RBFOX1: variants seen among roughly 807,000 people sequenced by gnomAD.
RBFOX1 encodes RNA binding fox-1 homolog 1, also known as RNA binding protein fox-1 homolog 1.
RBFOX1 carries 8 observed loss-of-function variants against 57.7 expected under a neutral mutation model. The ratio of observed to expected loss-of-function variants is 0.14; its 90% CI spans 0.08 to 0.25. The LOEUF is 0.25. Ranked by LOEUF, RBFOX1 falls within the 10% of genes least tolerant of loss-of-function variation. The probability of loss-of-function intolerance (pLI) is 1.00; values close to 1 mark genes in which losing one functional copy is unlikely to be tolerated. For synonymous variants in RBFOX1, 326 were observed against 222.4 expected, an observed-to-expected ratio of 1.47 and a Z score of -4.15; for missense variants, 611 against 548.5, an observed-to-expected ratio of 1.11 and a Z score of -1.14.
chr16:5,581,520 A>C (rs542786568), intron 2 of RBFOX1, among the ~76,000 whole-genome samples: 1 of 152,346 alleles, frequency 6.6e-6, no homozygotes, highest in African/African-American at 2.4e-5. Flanking sequence ...ACTAATTACA[A>C]GCTTTAGGAA....
intron 1 of RBFOX1, among the ~76,000 whole-genome samples, chr16:6,218,952 A>G (rs2097354049): frequency 6.6e-6 from 1 of 152,098 alleles, no homozygotes; most frequent in Non-Finnish European, 1.5e-5. Flanking sequence ...GTGGTTTTCA[A>G]CATAAAAGCA....
chr16:7,438,639 A>G (rs1377431803), intron 4 of RBFOX1, among the ~76,000 whole-genome samples: 1 of 152,204 alleles, frequency 6.6e-6, no homozygotes, highest in Non-Finnish European at 1.5e-5. Flanking sequence ...AGGCTAATGC[A>G]TTCTCTTACT....
intron 4 of RBFOX1, among the ~76,000 whole-genome samples, chr16:7,230,399 C>T (rs143843742): frequency 1.3e-5 from 2 of 152,232 alleles, no homozygotes; most frequent in Non-Finnish European, 2.9e-5. Flanking sequence ...ATATCAGCTT[C>T]CATAGTTAAC....
At chr16:6,895,438 G>GTATATA (rs1216168661) in intron 3 of RBFOX1, among the ~76,000 whole-genome samples, 2 of 88,096 alleles carry the variant, frequency 2.3e-5, no homozygotes, top group African/African-American at 8.0e-5. Context: ...GTGTGTGTGT[G>GTATATA]TGTGTGTGTG....
At chr16:7,692,671 T>C (rs1310394212) in intron 14 of RBFOX1, among the ~76,000 whole-genome samples, 1 of 152,172 alleles carries the variant, frequency 6.6e-6, no homozygotes, top group Non-Finnish European at 1.5e-5. Flanking sequence ...GTTGGAAACG[T>C]CTTAAGAGAG....
At chr16:7,434,081 A>G (rs1422449956) in intron 4 of RBFOX1, among the ~76,000 whole-genome samples, 1 of 152,196 alleles carries the variant, frequency 6.6e-6, no homozygotes, top group African/African-American at 2.4e-5. Flanking sequence ...AAGCAGGTAA[A>G]AAGGAAGAAA....
chr16:5,439,040 G>C (rs542704004), intron 1 of RBFOX1, among the ~76,000 whole-genome samples: 3,460 of 148,964 alleles, frequency 0.023, 83 homozygotes, highest in Middle Eastern at 0.1. Context: ...AATGGGGGGG[G>C]GGGCATAGTG....
intron 1 of RBFOX1, among the ~76,000 whole-genome samples, chr16:6,284,843 A>G (rs1202037527): frequency 1.3e-5 from 2 of 152,212 alleles, no homozygotes; most frequent in African/African-American, 2.4e-5. Flanking sequence ...ATACGAGTGC[A>G]TGGAGAACAC....
chr16:6,100,544 A>T (rs776258529), intron 1 of RBFOX1, among the ~76,000 whole-genome samples: 3 of 152,138 alleles, frequency 2.0e-5, no homozygotes, highest in Non-Finnish European at 4.4e-5. Context: ...CACTTAATAG[A>T]CTTTGATTGA....
chr16:5,689,216 G>T (rs2050594972), intron 3 of RBFOX1, among the ~76,000 whole-genome samples: 1 of 152,218 alleles, frequency 6.6e-6, no homozygotes, highest in African/African-American at 2.4e-5. Flanking sequence ...ACTCATTAAG[G>T]ATTGCTTATC....
intron 3 of RBFOX1, among the ~76,000 whole-genome samples, chr16:6,765,995 G>C (rs1474707746): frequency 6.6e-6 from 1 of 152,038 alleles, no homozygotes; most frequent in East Asian, 1.9e-4. Flanking sequence ...GTAGAAGGGG[G>C]ATGAGGAGCA....
chr16:5,725,810 C>G lies in RBFOX1; in HGVS notation c.318+126849C>G, dbSNP rs536198410. Among the ~76,000 whole-genome samples, 21 of 152,010 alleles carry G rather than the reference C, an allele frequency of 1.4e-4. No individual in the cohort carries two copies. In the South Asian group the frequency reaches 4.2e-3, roughly 30 times the overall value. ...TGCCCTCTCCCCACTCAGGGCTGTT[C>G]TAGGATGCCAGCTCTCCGAGTTCTC... is the stretch of plus-strand genomic sequence containing the variant. On this transcript the variant is annotated intron_variant, in intron 3 of 19. Transcript: ENST00000641259.
intron 4 of RBFOX1, among the ~76,000 whole-genome samples, chr16:5,994,655 T>C (rs955482207): frequency 1.3e-5 from 2 of 152,302 alleles, no homozygotes; most frequent in African/African-American, 4.8e-5. Flanking sequence ...GGGAAAACAG[T>C]CACAGATAAT....
At chr16:6,539,420 T>C (rs745912400) in intron 2 of RBFOX1, among the ~76,000 whole-genome samples, 1 of 152,184 alleles carries the variant, frequency 6.6e-6, no homozygotes, top group African/African-American at 2.4e-5. Context: ...CTGGCTGTTA[T>C]TGTATTATTA....
chr16:7,673,353 T>TTTGG (rs1448407808), intron 13 of RBFOX1, among the ~76,000 whole-genome samples: 2 of 152,102 alleles, frequency 1.3e-5, no homozygotes, highest in African/African-American at 4.8e-5. Flanking sequence ...GCCAAACCAG[T>TTTGG]TTGGTTGTGG....
At chr16:6,806,836 A>ATATATATATTTT (rs754342591) in intron 3 of RBFOX1, among the ~76,000 whole-genome samples, 2 of 91,878 alleles carry the variant, frequency 2.2e-5, no homozygotes, top group African/African-American at 8.1e-5. Flanking sequence ...ATATATATAT[A>ATATATATATTTT]TTTTTTTTTT....
At chr16:5,431,974 C>T (rs2151514519) in intron 1 of RBFOX1, among the ~76,000 whole-genome samples, 1 of 152,208 alleles carries the variant, frequency 6.6e-6, no homozygotes, top group East Asian at 1.9e-4. Context: ...AGGGGGGTGT[C>T]TGCAGATCAA....
At chr16:6,730,063 A>G (rs954498844) in intron 3 of RBFOX1, among the ~76,000 whole-genome samples, 3 of 152,142 alleles carry the variant, frequency 2.0e-5, no homozygotes, top group African/African-American at 4.8e-5. Flanking sequence ...GATGTTCTTT[A>G]TATATTCCCA....
At chr16:7,130,479 C>T (rs1266529059) in intron 4 of RBFOX1, among the ~76,000 whole-genome samples, 1 of 152,164 alleles carries the variant, frequency 6.6e-6, no homozygotes, top group African/African-American at 2.4e-5. Flanking sequence ...ATCTCTGTCT[C>T]ACTCATTGCA....
Sources: allele counts gnomAD v4.1 joint callset (sites outside exome capture counted in the v4.1 genomes callset), GRCh38; gene constraint gnomAD v4.1.1; transcripts MANE v1.5; gene names NCBI Gene and HGNC (gene_info 2026-07-23, HGNC 2026-07-21).